SNX29: variants seen among roughly 807,000 people sequenced by gnomAD.
SNX29 encodes sorting nexin-29.
Under a neutral mutation model 102.1 loss-of-function variants are expected in SNX29, and 78 were observed. That is an observed-to-expected ratio of 0.76 (90% CI 0.64 to 0.92). The LOEUF is 0.92. SNX29 is among the 40% of genes least tolerant of loss of function. SNX29 has a pLI of 0.00. For synonymous variants in SNX29, 580 were observed against 414.5 expected (o/e 1.40, Z -4.85); for missense variants, 1,280 against 1,061.7 (o/e 1.21, Z -2.86).
At chr16:12,035,857 C>T (rs916129862) in intron 4 of SNX29, among the ~76,000 whole-genome samples, 3 of 152,104 alleles carry the variant, frequency 2.0e-5, no homozygotes, top group African/African-American at 7.2e-5. Flanking sequence ...ATTACTTGTT[C>T]TTTCCTGGTA....
intron 20 of SNX29, among the ~76,000 whole-genome samples, chr16:12,566,173 T>C (rs556071117): frequency 3.9e-5 from 6 of 152,332 alleles, no homozygotes; most frequent in South Asian, 2.1e-4. Flanking sequence ...TTGGTGGCTT[T>C]AGGTAGCCCT....
At chr16:12,539,786 A>T (rs1009972139) in intron 20 of SNX29, among the ~76,000 whole-genome samples, 2 of 152,218 alleles carry the variant, frequency 1.3e-5, no homozygotes, top group Non-Finnish European at 2.9e-5. Flanking sequence ...ATGAGTAATG[A>T]TGTTGAGCAT....
chr16:12,037,968 AAAAAC>A (rs150897010), intron 4 of SNX29, among the ~76,000 whole-genome samples: 55,260 of 149,800 alleles, frequency 0.37, 10,684 homozygotes, highest in Middle Eastern at 0.44. Flanking sequence ...CCCGCCCCTC[AAAAAC>A]AAAACAAAAC....
rs186991542 is a variant in SNX29 at position 12,074,531 on chromosome 16, T to C, written c.1320-4302T>C. Among the ~76,000 whole-genome samples, 5 of 152,370 alleles carry C rather than the reference T, an allele frequency of 3.3e-5. No individual in the cohort carries two copies. The East Asian group carries it at 9.6e-4, about 29-fold the overall frequency. On this transcript the variant is annotated intron_variant, in intron 10 of 20. Coordinates refer to ENST00000566228, the MANE Select transcript of SNX29 (RefSeq NM_032167.5). Reference sequence around the variant, plus strand: ...GGCTTGTAAAGTTTCTGTCGAGAGATCCACTGTTAGTCTGATGGGCTTCCT... The same window carrying C: ...GGCTTGTAAAGTTTCTGTCGAGAGACCCACTGTTAGTCTGATGGGCTTCCT...
intron 3 of SNX29, among the ~76,000 whole-genome samples, chr16:12,008,058 C>G (rs1189364512): frequency 1.3e-5 from 2 of 152,174 alleles, no homozygotes; most frequent in East Asian, 3.8e-4. Flanking sequence ...GTTCTCCTGC[C>G]TCAGCCTCCC....
At chr16:12,396,150 T>A (rs2083712878) in intron 16 of SNX29, among the ~76,000 whole-genome samples, 1 of 152,196 alleles carries the variant, frequency 6.6e-6, no homozygotes. Context: ...AAATGTTCCC[T>A]GAAAATCCCC....
chr16:12,329,760 A>T (rs72786356), intron 15 of SNX29, among the ~76,000 whole-genome samples: 5,285 of 152,334 alleles, frequency 0.035, 162 homozygotes, highest in Non-Finnish European at 0.06. Context: ...GTTGGCACAC[A>T]TGCCAAGTGG....
At chr16:12,156,819 C>T (rs868260633) in intron 13 of SNX29, among the ~76,000 whole-genome samples, 2 of 152,218 alleles carry the variant, frequency 1.3e-5, no homozygotes, top group Non-Finnish European at 1.5e-5. Context: ...GGCATGGTCC[C>T]TCTGGGCACT....
At chr16:12,191,742 C>T (rs1477717249) in intron 13 of SNX29, among the ~76,000 whole-genome samples, 4 of 141,756 alleles carry the variant, frequency 2.8e-5, no homozygotes, top group East Asian at 2.0e-4. Context: ...TTTTATTTTG[C>T]AGTGAACTTG....
chr16:12,347,115 G>A (rs888915511), intron 15 of SNX29, among the ~76,000 whole-genome samples: 1 of 152,016 alleles, frequency 6.6e-6, no homozygotes, highest in African/African-American at 2.4e-5. Flanking sequence ...GAGTGCTGAG[G>A]GGCTTGTTGC....
Position 12,556,411 on chromosome 16 carries a change from C to G in SNX29, c.2319-12095C>G, listed in dbSNP as rs553767083. The G allele has an allele frequency of 2.9e-3, 445 of 152,380 alleles. 1 individual carries two copies. Among genetic ancestry groups the G allele is most frequent in the African/African-American group, 0.01 (434 of 41,590 alleles). 9.4% of individuals were successfully genotyped at this position (152,380 alleles called of 1,614,324 possible). On this transcript the variant is annotated intron_variant, in intron 20 of 20. Coordinates refer to ENST00000566228, the MANE Select transcript of SNX29 (RefSeq NM_032167.5). Reference sequence around the variant, plus strand: ...TGGCAATATAGTACAGAAGATGACACTTCAGATGGCTACAGATGCTGTGAA... The same window carrying G: ...TGGCAATATAGTACAGAAGATGACAGTTCAGATGGCTACAGATGCTGTGAA...
intron 18 of SNX29, among the ~76,000 whole-genome samples, chr16:12,452,506 C>T (rs987023983): frequency 1.3e-5 from 2 of 152,154 alleles, no homozygotes; most frequent in African/African-American, 4.8e-5. Flanking sequence ...CAGAGGAGTT[C>T]AGAGGAGAGT....
intron 13 of SNX29, among the ~76,000 whole-genome samples, chr16:12,197,139 T>C (rs2076796025): frequency 6.6e-6 from 1 of 152,236 alleles, no homozygotes; most frequent in Non-Finnish European, 1.5e-5. Flanking sequence ...AAAATGTTTT[T>C]CCATGAACTG....
chr16:12,271,554 T>C (rs1477167910), intron 14 of SNX29, among the ~76,000 whole-genome samples: 1 of 152,156 alleles, frequency 6.6e-6, no homozygotes, highest in Non-Finnish European at 1.5e-5. Context: ...GTAGGGATTA[T>C]ATAAGAATGT....
chr16:12,259,153 C>A (rs1176543648), intron 14 of SNX29, among the ~76,000 whole-genome samples: 1 of 152,178 alleles, frequency 6.6e-6, no homozygotes, highest in Non-Finnish European at 1.5e-5. Context: ...GGCTGTACAT[C>A]ATCTCCGTGG....
At position 12,196,103 on chromosome 16, in the gene SNX29, G is replaced by A. The variant is rs190624731; in HGVS notation, c.1596-3498G>A. On this transcript the variant is annotated intron_variant, in intron 13 of 20. Transcript: ENST00000566228. The stretch of plus-strand genomic sequence containing the variant: ...CGATCCTCCCACCTCAGCCTCCCAA[G>A]TAGATGGGACAACAGGTGCATGCCA... Among the ~76,000 whole-genome samples the A allele has an allele frequency of 3.4e-5, 5 of 149,182 alleles. No homozygotes were observed. In the East Asian group the frequency reaches 1.0e-3, roughly 30 times the overall value.
At chr16:12,524,133 G>A (rs983260123) in intron 19 of SNX29, among the ~76,000 whole-genome samples, 5 of 152,146 alleles carry the variant, frequency 3.3e-5, no homozygotes, top group African/African-American at 9.7e-5. Context: ...TGATCCGCCC[G>A]CGTCTGCATC....
chr16:12,076,239 C>G (rs2051561074), intron 10 of SNX29, among the ~76,000 whole-genome samples: 1 of 152,038 alleles, frequency 6.6e-6, no homozygotes, highest in South Asian at 2.1e-4. Context: ...CACCCATCTT[C>G]TGCGTCACTC....
intron 13 of SNX29, among the ~76,000 whole-genome samples, chr16:12,184,836 A>AG (rs1230141941): frequency 6.6e-6 from 1 of 152,234 alleles, no homozygotes; most frequent in Non-Finnish European, 1.5e-5. Context: ...AGACAGCTTG[A>AG]GGGAGTCTTG....
Sources: allele counts gnomAD v4.1 joint callset (sites outside exome capture counted in the v4.1 genomes callset), GRCh38; gene constraint gnomAD v4.1.1; transcripts MANE v1.5; gene names NCBI Gene and HGNC (gene_info 2026-07-23, HGNC 2026-07-21).